PKD1L1: variants seen among roughly 807,000 people sequenced by gnomAD.
PKD1L1 encodes polycystin 1 like 1, transient receptor potential channel interacting.
PKD1L1 carries 236 observed loss-of-function variants against 323.4 expected under a neutral mutation model. That is an observed-to-expected ratio of 0.73 (90% CI 0.66 to 0.81). PKD1L1 has a LOEUF of 0.81. Ranked by LOEUF, PKD1L1 falls within the 40% of genes least tolerant of loss-of-function variation. PKD1L1 has a pLI of 0.00. For missense variants in PKD1L1, 3,320 were observed against 3,508.0 expected (o/e 0.95, Z 1.35); for synonymous variants, 1,344 against 1,335.0 (o/e 1.01, Z -0.15).
chr7:47,781,391 TTTTTTTTGTTTTGTTTTG>T (rs370867770), intron 56 of PKD1L1, among the ~76,000 whole-genome samples: 31,807 of 139,234 alleles, frequency 0.23, 3,783 homozygotes, highest in East Asian at 0.51. Flanking sequence ...CAAAAGGTTT[TTTTTTTTGTTTTGTTTTG>T]TTTTTTTTTT....
chr7:47,794,739 C>T (rs1006559861), intron 55 of PKD1L1, among the ~76,000 whole-genome samples: 1 of 152,154 alleles, frequency 6.6e-6, no homozygotes, highest in Non-Finnish European at 1.5e-5. Context: ...AGGAAGGAGG[C>T]TGTACCCTGC....
In PKD1L1 at chr7:47,898,085, A is replaced by G; in HGVS notation, c.2174T>C (p.Leu725Pro). The G allele has an allele frequency of 6.2e-7, 1 of 1,614,026 alleles. No homozygotes were observed. Among genetic ancestry groups the G allele is most frequent in the Non-Finnish European group, 8.5e-7 (1 of 1,180,022 alleles). Residue 725 changes from leucine to proline, a missense_variant, in exon 14 of 57, where the codon CTC becomes CCC. Leu to Pro is a moderately conservative substitution (Grantham distance 98). Coordinates refer to ENST00000289672, the MANE Select transcript of PKD1L1 (RefSeq NM_138295.5). Reference protein sequence around the residue: ...YTWNLMDSEGLPVSLPAAVDT... With the variant: ...YTWNLMDSEGPPVSLPAAVDT... ...CACAGCAGCAGGGAGGGAGACAGGG[A>G]GCCCTTCAGAGTCCATCAAGTTCCA...
At chr7:47,940,464 G>T (rs913362537) in intron 2 of PKD1L1, 147 bp from the exon 3 acceptor site, 14 of 707,278 alleles carry the variant, frequency 2.0e-5, no homozygotes, top group Middle Eastern at 3.3e-4. Flanking sequence ...CGTGTCCTTG[G>T]GCTGCCGTGT....
In PKD1L1 at chr7:47,931,969, C is replaced by A. The variant is rs780944326; in HGVS notation, c.486G>T (p.Gly162=). The stretch of plus-strand genomic sequence containing the variant: ...GAGCAGAGAATGTGCTGTCTGCGGT[C>A]CCAGTAGCACACAGCCGCCTGTGAT... The part of the protein sequence containing the change: ...RFHHRRLCAT[G]TADSTFSALL... Residue 162 remains glycine, a synonymous_variant, in exon 5 of 57, where the codon GGG becomes GGT. Coordinates refer to ENST00000289672, the MANE Select transcript of PKD1L1 (RefSeq NM_138295.5). 5 of 1,613,794 alleles carry A rather than the reference C, an allele frequency of 3.1e-6. No homozygotes were observed. In the Admixed American group the frequency reaches 8.3e-5, roughly 27 times the overall value.
intron 56 of PKD1L1, among the ~76,000 whole-genome samples, chr7:47,775,416 C>T (rs1040385361): frequency 5.3e-5 from 8 of 152,084 alleles, no homozygotes; most frequent in Admixed American, 1.3e-4. Flanking sequence ...AACATTCAAA[C>T]GATTCAAGAC....
chr7:47,880,278 A>ATTTTTTTTTTTT (rs1562970489), intron 21 of PKD1L1, among the ~76,000 whole-genome samples: 6 of 73,624 alleles, frequency 8.1e-5, no homozygotes, highest in African/African-American at 2.2e-4. Context: ...ATATATATAT[A>ATTTTTTTTTTTT]TATATATTTT....
chr7:47,844,713 C>A (rs1196143114), intron 33 of PKD1L1, among the ~76,000 whole-genome samples: 2 of 152,138 alleles, frequency 1.3e-5, no homozygotes, highest in Non-Finnish European at 2.9e-5. Flanking sequence ...ACCAAATTCA[C>A]ACTGAACTAA....
chr7:47,839,471 A>C lies in PKD1L1; in HGVS notation c.5744T>G (p.Leu1915Arg), dbSNP rs1785523421. 1 of 1,611,764 alleles carries C rather than the reference A, an allele frequency of 6.2e-7. No homozygotes were observed. The highest frequency in any genetic ancestry group is 8.5e-7 in the Non-Finnish European group (1 of 1,179,328). ...CTTCCGGAAGCCGAGTCCCCCTTGC[A>C]GACAGGTGAGCTCCCGCTCCACGCG... is the stretch of plus-strand genomic sequence containing the variant. ...DGRVERELTC[L>R]QGGLGFRKLF... is the part of the protein sequence containing the mutation. The change falls in exon 36 of 57, where the codon CTG (leucine) becomes CGG (arginine). Residue 1915 changes from leucine to arginine, a missense_variant. Transcript: ENST00000289672. This position sits in a 1 kb window ranked among gnomAD's most constrained non-coding sequence, Gnocchi z 4.3.
At chr7:47,948,540 G>A, upstream of PKD1L1, 2 of 1,214,468 alleles carry the variant, frequency 1.6e-6, no homozygotes, top group Admixed American at 1.8e-5. Flanking sequence ...TCCAGCTTCT[G>A]TACTTGTGAC....
intron 3 of PKD1L1, among the ~76,000 whole-genome samples, chr7:47,938,070 T>A (rs1044967509): frequency 6.6e-6 from 1 of 152,076 alleles, no homozygotes; most frequent in Non-Finnish European, 1.5e-5. Context: ...GCAGCCACCA[T>A]CCCTCAGACT....
At chr7:47,848,318 T>G (rs961282270) in intron 31 of PKD1L1, among the ~76,000 whole-genome samples, 5 of 151,870 alleles carry the variant, frequency 3.3e-5, no homozygotes, top group African/African-American at 1.2e-4. Context: ...CTACGGTCCA[T>G]CTATACAATG....
chr7:47,873,649 CAAA>C (rs57012071), intron 24 of PKD1L1, among the ~76,000 whole-genome samples: 10 of 78,084 alleles, frequency 1.3e-4, no homozygotes, highest in Admixed American at 1.5e-4. Flanking sequence ...GACTCTGTCT[CAAA>C]AAAAAAAAAA....
chr7:47,880,257 T>TATAG (rs1786511572), intron 21 of PKD1L1, among the ~76,000 whole-genome samples: 2 of 95,472 alleles, frequency 2.1e-5, no homozygotes, highest in African/African-American at 1.0e-4. Context: ...GATATATATA[T>TATAG]ATATATACAT....
rs765056828 is a variant in PKD1L1 at position 47,908,215 on chromosome 7, C to T, written c.1264G>A (p.Glu422Lys). The T allele has an allele frequency of 2.5e-5, 41 of 1,613,974 alleles. No homozygotes were observed. Among genetic ancestry groups the T allele is most frequent in the East Asian group, 2.4e-4 (11 of 44,898 alleles). ...VYMLKAVIYN[E>K]FHGTEVELGP... is the part of the protein sequence containing the mutation. ...AGCTCCACTTCGGTTCCATGAAACT[C>T]GTTATAAATAACAGCCTTGAGCATA... Residue 422 changes from glutamate (E) to lysine (K), a missense_variant, in exon 9 of 57, where the codon GAG becomes AAG. Transcript: ENST00000289672.
Position 47,813,284 on chromosome 7 carries a change from G to A in PKD1L1, c.7183C>T (p.Pro2395Ser). Reference protein sequence around the residue: ...FPRHLCKPPRPFSALIEDSIP... With the variant: ...FPRHLCKPPRSFSALIEDSIP... ...GAGTCTTCGATGAGTGCTGAAAATG[G>A]CCTGGGAGGCTGCAGAACAAACCAG... The change falls in exon 49 of 57, where the codon CCA (proline) becomes TCA (serine). Residue 2395 changes from proline (P) to serine (S), a missense_variant. Physicochemically the swap from Pro to Ser is moderately conservative, Grantham distance 74. Transcript: ENST00000289672. 1 of 1,614,106 alleles carries A rather than the reference G, an allele frequency of 6.2e-7. No homozygotes were observed. Among genetic ancestry groups the A allele is most frequent in the Non-Finnish European group, 8.5e-7 (1 of 1,180,000 alleles).
In PKD1L1 at chr7:47,940,435, C is replaced by T. The variant is rs994065217; in HGVS notation, c.161-118G>A. ...GGTCAAAGCCACCTGGGCCTAACAA[C>T]GGGCTGATCATGAAGATGCGTGTCC... On this transcript the variant is annotated intron_variant, in intron 2 of 56. Transcript: ENST00000289672. 19 of 996,896 alleles carry T rather than the reference C, an allele frequency of 1.9e-5. No homozygotes were observed. The African/African-American group carries it at 2.0e-4, about 10-fold the overall frequency. 61.8% of individuals were successfully genotyped at this position (996,896 alleles called of 1,614,324 possible).
At chr7:47,846,200 C>T (rs148285421) in intron 32 of PKD1L1, among the ~76,000 whole-genome samples, 1 of 152,232 alleles carries the variant, frequency 6.6e-6, no homozygotes, top group Admixed American at 6.5e-5. Context: ...ACTATTTCTG[C>T]TTCTAAATAT....
At chr7:47,803,394 G>T in intron 52 of PKD1L1, 50 bp from the exon 53 acceptor site, 1 of 1,602,230 alleles carries the variant, frequency 6.2e-7, no homozygotes, top group Non-Finnish European at 8.5e-7. Flanking sequence ...TCACTGAAAG[G>T]TGCAGACATA....
At chr7:47,929,596 G>C in intron 6 of PKD1L1, 70 bp from the exon 7 acceptor site, 1 of 1,421,730 alleles carries the variant, frequency 7.0e-7, no homozygotes, top group Non-Finnish European at 9.6e-7. Flanking sequence ...CAGAAGCCAA[G>C]CAGCCTGGCC....
Sources: gnomAD v4.1 joint callset for allele counts (sites outside exome capture counted in the v4.1 genomes callset) on GRCh38, gnomAD v4.1.1 for gene constraint, Gnocchi (gnomAD v3.1) non-coding constraint, MANE v1.5 for transcripts, NCBI Gene and HGNC (gene_info 2026-07-23, HGNC 2026-07-21) for gene names.